Variants in BRDT observed in about 807,000 individuals in gnomAD.
The protein encoded by BRDT is bromodomain testis-specific protein.
In BRDT, 77 loss-of-function variants were observed where a neutral mutation model predicts 113.9. The ratio of observed to expected loss-of-function variants is 0.68; its 90% CI spans 0.56 to 0.82. The LOEUF (loss-of-function observed/expected upper bound fraction) is 0.82, where lower values mean the gene tolerates loss of function less well. BRDT is among the 40% of genes least tolerant of loss of function. BRDT has a pLI of 0.00. For synonymous variants in BRDT, 358 were observed against 366.5 expected, an observed-to-expected ratio of 0.98 and a Z score of 0.26; for missense variants, 1,027 against 1,105.4, an observed-to-expected ratio of 0.93 and a Z score of 1.01.
intron 18 of BRDT, among the ~76,000 whole-genome samples, chr1:92,008,920 G>A (rs1185526920): frequency 6.6e-6 from 1 of 152,126 alleles, no homozygotes; most frequent in Non-Finnish European, 1.5e-5. Context: ...TGTGTACATT[G>A]TGGAATGGCT....
In BRDT at chr1:92,004,575, G is replaced by A. The variant is rs1570640704; in HGVS notation, c.2550G>A (p.Leu850=). Residue 850 remains leucine, a synonymous_variant, in exon 17 of 19, where the codon TTG becomes TTA. Coordinates refer to ENST00000399546, the MANE Select transcript of BRDT (RefSeq NM_207189.4). ...CACAGGAACTCATACGGAAGCATTT[G>A]GAACAAAATACAAAGGAACTAAAAG... The part of the protein sequence containing the change: ...ARTQELIRKH[L]EQNTKELKAS... The A allele has an allele frequency of 1.2e-6, 2 of 1,611,412 alleles. No homozygotes were observed. The highest frequency in any genetic ancestry group is 4.5e-5 in the East Asian group (2 of 44,710).
At chr1:92,009,333 A>G (rs1376437442) in intron 18 of BRDT, among the ~76,000 whole-genome samples, 2 of 152,108 alleles carry the variant, frequency 1.3e-5, no homozygotes, top group African/African-American at 2.4e-5. Context: ...TTATATATAT[A>G]TAACATTTCT....
intron 18 of BRDT, among the ~76,000 whole-genome samples, chr1:92,010,682 C>T (rs1169725767): frequency 2.0e-5 from 3 of 152,030 alleles, no homozygotes; most frequent in Non-Finnish European, 4.4e-5. Context: ...CTTCTGTTAA[C>T]CCCCAGTGTA....
Position 91,976,429 on chromosome 1 carries a change from T to C in BRDT, c.609T>C (p.Thr203=), listed in dbSNP as rs773951230. The C allele has an allele frequency of 6.4e-7, 1 of 1,554,894 alleles. No individual in the cohort carries two copies. The highest frequency in any genetic ancestry group is 8.6e-7 in the Non-Finnish European group (1 of 1,156,276). ...QGASVNSSSQ[T]AAQVTKGVKR... The stretch of plus-strand genomic sequence containing the variant: ...CTTCAGTCAACTCCAGTTCACAAAC[T>C]GCGGCCCAAGTAAGTTTGTTGTAGT... The change falls in exon 5 of 19, where the codon ACT becomes ACC. Residue 203 remains threonine (T), a synonymous_variant. Coordinates refer to ENST00000399546, the MANE Select transcript of BRDT (RefSeq NM_207189.4).
At chr1:91,983,760 C>T (rs1444001811) in intron 12 of BRDT, among the ~76,000 whole-genome samples, 2 of 150,880 alleles carry the variant, frequency 1.3e-5, no homozygotes, top group Non-Finnish European at 2.9e-5. Context: ...GTGATTGTGG[C>T]CTCCTCCGCC....
intron 7 of BRDT, 79 bp from the exon 8 acceptor site, chr1:91,979,490 G>T: frequency 7.4e-7 from 1 of 1,351,078 alleles, no homozygotes; most frequent in Non-Finnish European, 1.0e-6. Flanking sequence ...ACACTGAAAT[G>T]TACTTTTTGT....
At position 91,998,016 on chromosome 1, in the gene BRDT, T is replaced by A. The variant is rs189594988; in HGVS notation, c.2287+3762T>A. Among the ~76,000 whole-genome samples the A allele has an allele frequency of 1.3e-3, 194 of 152,356 alleles. 2 individuals are homozygous for A. The South Asian group carries it at 0.021, about 16-fold the overall frequency. ...CATAAAAGATTAAAAAATGAATTTTTAAGTGTTACTGGTTTTCATCACACC... is the reference window on the plus strand; with the variant it reads ...CATAAAAGATTAAAAAATGAATTTTAAAGTGTTACTGGTTTTCATCACACC... On this transcript the variant is annotated intron_variant, in intron 15 of 18. Transcript: ENST00000399546.
chr1:92,012,077 G>A (rs1687843387), intron 18 of BRDT, among the ~76,000 whole-genome samples: 1 of 152,116 alleles, frequency 6.6e-6, no homozygotes, highest in African/African-American at 2.4e-5. Context: ...GAGAGGCCGA[G>A]GCAGGCAGAT....
At chr1:91,978,317 T>C in intron 7 of BRDT, 21 bp downstream of exon 7, 1 of 1,611,386 alleles carries the variant, frequency 6.2e-7, no homozygotes, top group Non-Finnish European at 8.5e-7. Context: ...ACTTGTGCTC[T>C]GAAGGTGTTT....
intron 11 of BRDT, 110 bp from the exon 12 acceptor site, chr1:91,981,508 T>G (rs900066804): frequency 6.5e-7 from 1 of 1,546,702 alleles, no homozygotes; most frequent in East Asian, 2.3e-5. Flanking sequence ...CCTCTCAAAG[T>G]GCTGAGATTA....
At chr1:91,992,183 C>A in intron 13 of BRDT, 81 bp from the exon 14 acceptor site, 1 of 713,740 alleles carries the variant, frequency 1.4e-6, no homozygotes. Context: ...CTTAAAAGAG[C>A]TCTAATTTGT....
intron 18 of BRDT, among the ~76,000 whole-genome samples, chr1:92,013,164 G>C (rs1308342899): frequency 4.0e-5 from 6 of 149,704 alleles, no homozygotes; most frequent in Non-Finnish European, 7.4e-5. Context: ...GTTGCAGTGA[G>C]CTGAGATCAC....
Position 91,962,888 on chromosome 1 carries a change from A to G in BRDT, c.134A>G (p.Lys45Arg), listed in dbSNP as rs775579567. 1 of 1,612,312 alleles carries G rather than the reference A, an allele frequency of 6.2e-7. No individual in the cohort carries two copies. The highest frequency in any genetic ancestry group is 8.5e-7 in the Non-Finnish European group (1 of 1,179,350). Residue 45 changes from lysine (K) to arginine (R), a missense_variant, in exon 2 of 19, where the codon AAG (lysine) becomes AGG (arginine). Coordinates refer to ENST00000399546, the MANE Select transcript of BRDT (RefSeq NM_207189.4). ...AAAGTTGTCCTAAAGGATTTATGGAAGCATAGTTTTTCATGGCCCTTTCAA... is the reference window on the plus strand; with the variant it reads ...AAAGTTGTCCTAAAGGATTTATGGAGGCATAGTTTTTCATGGCCCTTTCAA... Reference protein sequence around the residue: ...LQKVVLKDLWKHSFSWPFQRP... With the variant: ...LQKVVLKDLWRHSFSWPFQRP...
intron 4 of BRDT, among the ~76,000 whole-genome samples, chr1:91,973,863 C>T (rs112804047): frequency 0.016 from 2,387 of 152,110 alleles, 47 homozygotes; most frequent in African/African-American, 0.046. Flanking sequence ...TGCAAGTTTT[C>T]GAAGGGAAAA....
At chr1:91,981,238 A>G (rs1684697334) in intron 10 of BRDT, 30 bp from the exon 11 acceptor site, 1 of 1,610,506 alleles carries the variant, frequency 6.2e-7, no homozygotes. Flanking sequence ...TTTTGGTTAT[A>G]CTCACTTTCT....
chr1:91,981,134 AAT>A lies in BRDT; in HGVS notation c.1709_1710del (p.Tyr570CysfsTer15). 6.2e-7 allele frequency: 1 copy of A among 1,612,978 alleles called. No homozygotes were observed. The highest frequency in any genetic ancestry group is 8.5e-7 in the Non-Finnish European group (1 of 1,179,778). ...GCATCAACACTAAGAGAATTAGAAA[AAT>A]ATGTTTCGGCATGTCTAAGAAAGAG... On this transcript the variant is annotated frameshift_variant, in exon 10 of 19. Coordinates refer to ENST00000399546, the MANE Select transcript of BRDT (RefSeq NM_207189.4). LOFTEE classifies it high-confidence loss of function.
intron 16 of BRDT, among the ~76,000 whole-genome samples, chr1:92,003,476 T>C (rs906364799): frequency 6.6e-6 from 1 of 152,190 alleles, no homozygotes; most frequent in African/African-American, 2.4e-5. Context: ...TTATCTAATA[T>C]GGTAGCCTCT....
chr1:92,011,620 T>C (rs182557328), intron 18 of BRDT, among the ~76,000 whole-genome samples: 9 of 152,240 alleles, frequency 5.9e-5, no homozygotes, highest in African/African-American at 1.9e-4. Flanking sequence ...CCCCAAGTGA[T>C]TTCACTGCAC....
chr1:92,001,448 C>G (rs1191115526), intron 15 of BRDT, among the ~76,000 whole-genome samples: 1 of 152,162 alleles, frequency 6.6e-6, no homozygotes, highest in Non-Finnish European at 1.5e-5. Context: ...GTAATCCCAG[C>G]ACTTTGGGAG....
Sources: gnomAD v4.1 joint callset for allele counts (sites outside exome capture counted in the v4.1 genomes callset) on GRCh38, gnomAD v4.1.1 for gene constraint, MANE v1.5 for transcripts, NCBI Gene and HGNC (gene_info 2026-07-23, HGNC 2026-07-21) for gene names.